DDAH1: variants seen among roughly 807,000 people sequenced by gnomAD.
DDAH1 encodes dimethylarginine dimethylaminohydrolase 1, also known as N(G),N(G)-dimethylarginine dimethylaminohydrolase 1.
In DDAH1, 19 loss-of-function variants were observed where a neutral mutation model predicts 28.8. The observed-to-expected ratio is 0.66, with a 90% CI of 0.46 to 0.97. DDAH1 has a LOEUF of 0.97. DDAH1 is among the 50% of genes least tolerant of loss of function. The pLI is 0.00. For missense variants in DDAH1, 326 were observed against 375.9 expected, an observed-to-expected ratio of 0.87 and a Z score of 1.10; for synonymous variants, 153 against 154.4, an observed-to-expected ratio of 0.99 and a Z score of 0.07.
chr1:85,415,907 T>A (rs1652866783), intron 1 of DDAH1, among the ~76,000 whole-genome samples: 1 of 152,180 alleles, frequency 6.6e-6, no homozygotes, highest in Admixed American at 6.5e-5. Flanking sequence ...TACTTTTCAA[T>A]AATTAAAAAA....
At chr1:85,398,597 CAG>C (rs1214843241) in intron 1 of DDAH1, 8 of 152,194 alleles carry the variant, frequency 5.3e-5, no homozygotes, top group African/African-American at 1.7e-4. Context: ...GCGTGCCATA[CAG>C]AGAGTTCACC....
chr1:85,350,335 C>G, intron 4 of DDAH1, 80 bp downstream of exon 4: 1 of 1,537,840 alleles, frequency 6.5e-7, no homozygotes, highest in East Asian at 2.3e-5. Flanking sequence ...CTGCTTGTTA[C>G]TCCCCCAGCA....
At chr1:85,485,845 G>T (rs1003638428) in intron 2 of DDAH1, among the ~76,000 whole-genome samples, 3 of 152,142 alleles carry the variant, frequency 2.0e-5, no homozygotes, top group Admixed American at 2.0e-4. Context: ...TGTCTGTTTT[G>T]TTCAGAGTGA....
At chr1:85,335,678 C>T (rs1160393662) in intron 4 of DDAH1, among the ~76,000 whole-genome samples, 1 of 152,128 alleles carries the variant, frequency 6.6e-6, no homozygotes, top group Non-Finnish European at 1.5e-5. Context: ...CAAATGTTGG[C>T]TGGGCATGGT....
chr1:85,547,146 TGG>T (rs1658650344), intron 1 of DDAH1, among the ~76,000 whole-genome samples: 1 of 152,176 alleles, frequency 6.6e-6, no homozygotes, highest in Admixed American at 6.5e-5. Context: ...GTAGGAGTAC[TGG>T]AACCACCACT....
chr1:85,484,502 T>G (rs1307791388), intron 2 of DDAH1, among the ~76,000 whole-genome samples: 2 of 152,110 alleles, frequency 1.3e-5, no homozygotes, highest in African/African-American at 4.8e-5. Flanking sequence ...GAACAAAGGT[T>G]AAATTCTTTA....
At chr1:85,334,749 C>G (rs780927177) in intron 4 of DDAH1, among the ~76,000 whole-genome samples, 4 of 143,528 alleles carry the variant, frequency 2.8e-5, no homozygotes, top group Non-Finnish European at 6.2e-5. Context: ...AAACTACCTA[C>G]TCTCAGGTAG....
chr1:85,525,443 T>A (rs2100767255), intron 1 of DDAH1, among the ~76,000 whole-genome samples: 1 of 152,262 alleles, frequency 6.6e-6, no homozygotes, highest in African/African-American at 2.4e-5. Context: ...TACATTTAAG[T>A]CTTTGAAGAT....
At chr1:85,555,609 C>A (rs1331983376) in intron 1 of DDAH1, among the ~76,000 whole-genome samples, 2 of 152,152 alleles carry the variant, frequency 1.3e-5, no homozygotes, top group African/African-American at 4.8e-5. Flanking sequence ...CACTCGCAGC[C>A]AGATATGCCC....
intron 1 of DDAH1, among the ~76,000 whole-genome samples, chr1:85,387,187 A>G (rs1651313880): frequency 6.6e-6 from 1 of 152,176 alleles, no homozygotes; most frequent in Non-Finnish European, 1.5e-5. Context: ...CAAGCAATAG[A>G]TCAGCCACAT....
intron 1 of DDAH1, among the ~76,000 whole-genome samples, chr1:85,408,783 C>T (rs1652520610): frequency 6.6e-6 from 1 of 152,078 alleles, no homozygotes; most frequent in South Asian, 2.1e-4. Flanking sequence ...TATCCAATAG[C>T]ACCAGAGGCA....
intron 1 of DDAH1, among the ~76,000 whole-genome samples, chr1:85,417,423 T>C (rs1652934125): frequency 6.6e-6 from 1 of 152,082 alleles, no homozygotes; most frequent in African/African-American, 2.4e-5. Context: ...CATGCCAGTC[T>C]CCATCCCCAA....
upstream of DDAH1, chr1:85,465,178 C>A (rs1223032157): frequency 2.6e-6 from 3 of 1,141,828 alleles, no homozygotes; most frequent in Non-Finnish European, 3.2e-6. Context: ...AGGAGCCCAG[C>A]TCGCGCCCGG....
At chr1:85,387,212 T>C (rs1184902776) in intron 1 of DDAH1, among the ~76,000 whole-genome samples, 1 of 152,250 alleles carries the variant, frequency 6.6e-6, no homozygotes, top group African/African-American at 2.4e-5. Context: ...GGATTTCATC[T>C]AAAAGTGCTT....
At chr1:85,361,299 G>T (rs1410494666) in intron 1 of DDAH1, among the ~76,000 whole-genome samples, 1 of 152,168 alleles carries the variant, frequency 6.6e-6, no homozygotes, top group African/African-American at 2.4e-5. Flanking sequence ...TGCAGGAAAA[G>T]ATCCAAACCA....
intron 1 of DDAH1, among the ~76,000 whole-genome samples, chr1:85,553,990 T>C (rs565351152): frequency 6.6e-6 from 1 of 152,320 alleles, no homozygotes; most frequent in Non-Finnish European, 1.5e-5. Context: ...CATCTTGGCT[T>C]GAAGATTATA....
chr1:85,341,842 C>CAAA (rs34823363), intron 4 of DDAH1, among the ~76,000 whole-genome samples: 1 of 150,536 alleles, frequency 6.6e-6, no homozygotes, highest in Non-Finnish European at 1.5e-5. Context: ...AAAACAAAAA[C>CAAA]AAAAAAAAAC....
chr1:85,425,306 TCA>T (rs772847564), intron 1 of DDAH1, among the ~76,000 whole-genome samples: 2 of 152,124 alleles, frequency 1.3e-5, no homozygotes, highest in African/African-American at 4.8e-5. Flanking sequence ...GTAATTTTAC[TCA>T]GTTTTCTTCA....
intron 4 of DDAH1, among the ~76,000 whole-genome samples, chr1:85,339,979 T>A (rs233070): frequency 0.015 from 2,258 of 152,280 alleles, 52 homozygotes; most frequent in African/African-American, 0.051. Context: ...CCTTTTTTTT[T>A]AAATCTTTTG....
Sources: allele counts gnomAD v4.1 joint callset (sites outside exome capture counted in the v4.1 genomes callset), GRCh38; gene constraint gnomAD v4.1.1; transcripts MANE v1.5; gene names NCBI Gene and HGNC (gene_info 2026-07-23, HGNC 2026-07-21).